The following PEPD variants were observed in gnomAD, a reference collection of about 807,000 sequenced individuals.
PEPD encodes the protein xaa-Pro dipeptidase.
A neutral mutation model predicts 60.7 loss-of-function variants in PEPD; 53 were observed. That is an observed-to-expected ratio of 0.87 (90% CI 0.70 to 1.10). PEPD has a LOEUF of 1.10. Ranked by LOEUF, PEPD falls within the 50% of genes least tolerant of loss-of-function variation. PEPD has a pLI of 0.00. For missense variants in PEPD, 711 were observed against 711.9 expected (o/e 1.00, Z 0.01); for synonymous variants, 267 against 284.1 (o/e 0.94, Z 0.60).
intron 11 of PEPD, among the ~76,000 whole-genome samples, chr19:33,406,645 G>A (rs1291428430): frequency 6.6e-6 from 1 of 152,178 alleles, no homozygotes; most frequent in Non-Finnish European, 1.5e-5. Flanking sequence ...CCCAGGTGGA[G>A]TGGGGCAAGG....
chr19:33,391,177 G>T, intron 13 of PEPD, 118 bp downstream of exon 13: 3 of 834,712 alleles, frequency 3.6e-6, no homozygotes, highest in Non-Finnish European at 6.0e-6. Flanking sequence ...GAGCCATGGG[G>T]CCCATCCCTG....
intron 9 of PEPD, among the ~76,000 whole-genome samples, chr19:33,430,867 C>T (rs1969256493): frequency 6.6e-6 from 1 of 152,110 alleles, no homozygotes; most frequent in South Asian, 2.1e-4. Flanking sequence ...CAAGTGCACG[C>T]CGTCTGCCAC....
At chr19:33,449,142 C>A (rs977273898) in intron 9 of PEPD, among the ~76,000 whole-genome samples, 1 of 152,228 alleles carries the variant, frequency 6.6e-6, no homozygotes, top group Non-Finnish European at 1.5e-5. Context: ...GTAGCTGGCC[C>A]ACTGTAGAGA....
At chr19:33,510,559 G>A (rs1970904007) in intron 3 of PEPD, among the ~76,000 whole-genome samples, 1 of 152,148 alleles carries the variant, frequency 6.6e-6, no homozygotes, top group Admixed American at 6.5e-5. Context: ...AGGGAGCCAT[G>A]GATGTTCTAC....
chr19:33,413,331 G>A (rs1466940295), intron 10 of PEPD, among the ~76,000 whole-genome samples: 1 of 152,204 alleles, frequency 6.6e-6, no homozygotes, highest in East Asian at 1.9e-4. Context: ...ACGCCAAGCA[G>A]CCCCTCTGCA....
At chr19:33,473,067 C>T (rs917553906) in intron 7 of PEPD, among the ~76,000 whole-genome samples, 7 of 152,016 alleles carry the variant, frequency 4.6e-5, no homozygotes, top group African/African-American at 7.3e-5. Flanking sequence ...TAGCCAGGGA[C>T]GGGCAGACGT....
chr19:33,432,914 C>T (rs1035112551), intron 9 of PEPD, among the ~76,000 whole-genome samples: 8 of 152,242 alleles, frequency 5.3e-5, no homozygotes, highest in African/African-American at 1.9e-4. Context: ...CACACGCCTT[C>T]CAGAGGCACC....
chr19:33,430,482 G>A (rs17833935), intron 9 of PEPD, among the ~76,000 whole-genome samples: 21,283 of 152,042 alleles, frequency 0.14, 1,671 homozygotes, highest in East Asian at 0.26. Flanking sequence ...ACTCTGCCCA[G>A]TGTGAGCCCA....
At chr19:33,437,403 GCCACA>G (rs758295489) in intron 9 of PEPD, among the ~76,000 whole-genome samples, 1 of 151,660 alleles carries the variant, frequency 6.6e-6, no homozygotes, top group Non-Finnish European at 1.5e-5. Context: ...ATTTTCAACA[GCCACA>G]CGAGATGCAG....
intron 9 of PEPD, among the ~76,000 whole-genome samples, chr19:33,427,861 T>A (rs1224565670): frequency 6.6e-6 from 1 of 152,212 alleles, no homozygotes; most frequent in East Asian, 1.9e-4. Context: ...ACACCAACAC[T>A]ACTCCCCAAA....
At chr19:33,516,860 T>C (rs1249655211) in intron 1 of PEPD, among the ~76,000 whole-genome samples, 2 of 152,236 alleles carry the variant, frequency 1.3e-5, no homozygotes, top group African/African-American at 4.8e-5. Context: ...TACCATGTTA[T>C]TGCTCTTCCA....
chr19:33,433,033 G>A (rs1005648700), intron 9 of PEPD, among the ~76,000 whole-genome samples: 2 of 152,226 alleles, frequency 1.3e-5, no homozygotes, highest in Non-Finnish European at 2.9e-5. Flanking sequence ...AACACTTTAA[G>A]GGAATTGTTT....
chr19:33,434,909 T>C (rs1333313063), intron 9 of PEPD, among the ~76,000 whole-genome samples: 2 of 150,250 alleles, frequency 1.3e-5, no homozygotes, highest in Non-Finnish European at 3.0e-5. Flanking sequence ...GGTGTTAAGG[T>C]TGGGGGGTGG....
chr19:33,483,424 A>T (rs1323510037), intron 6 of PEPD, among the ~76,000 whole-genome samples: 10 of 152,204 alleles, frequency 6.6e-5, no homozygotes, highest in Admixed American at 6.5e-4. Flanking sequence ...CCTGTGTGAC[A>T]CAGAGCTCAA....
chr19:33,390,630 G>A lies in PEPD; in HGVS notation c.1152+665C>T, dbSNP rs1487885151. Among the ~76,000 whole-genome samples, 6 of 152,208 alleles carry A rather than the reference G, an allele frequency of 3.9e-5. No individual in the cohort carries two copies. The East Asian group carries it at 9.6e-4, about 24-fold the overall frequency. ...GCCCCAGCCGCCCAGCCGAGAGGCC[G>A]TAGCCACCTGCCCGGTTGGGCCTCC... On this transcript the variant is annotated intron_variant, in intron 13 of 14. Coordinates refer to ENST00000244137, the MANE Select transcript of PEPD (RefSeq NM_000285.4).
At position 33,463,996 on chromosome 19, in the gene PEPD, G is replaced by A. The variant is rs754234155; in HGVS notation, c.615C>T (p.Ala205=). Residue 205 remains alanine (A), a synonymous_variant, in exon 8 of 15, where the codon GCC becomes GCT. Transcript: ENST00000244137. The part of the protein sequence containing the change: ...LRYTNKISSE[A]HREVMKAVKV... ...CCGGTGCCTGACTTACCTCACGGTG[G>A]GCCTCGCTGGAGATTTTATTGGTAT... The A allele has an allele frequency of 1.2e-6, 2 of 1,609,600 alleles. No homozygotes were observed. Among genetic ancestry groups the A allele is most frequent in the Middle Eastern group, 3.3e-4 (2 of 6,054 alleles).
At chr19:33,432,797 A>G (rs1969301270) in intron 9 of PEPD, among the ~76,000 whole-genome samples, 2 of 152,216 alleles carry the variant, frequency 1.3e-5, no homozygotes, top group African/African-American at 4.8e-5. Flanking sequence ...AAATCCCCCA[A>G]TTAAAGGCAC....
At chr19:33,387,711 T>G in intron 14 of PEPD, 179 bp downstream of exon 14, 1 of 758,926 alleles carries the variant, frequency 1.3e-6, no homozygotes, top group Non-Finnish European at 2.2e-6. Context: ...TTGCAGGATC[T>G]CTGTCTGTTC....
At chr19:33,418,759 C>T (rs1293395454) in intron 9 of PEPD, among the ~76,000 whole-genome samples, 1 of 152,164 alleles carries the variant, frequency 6.6e-6, no homozygotes, top group Non-Finnish European at 1.5e-5. Context: ...CTTCCCCAGG[C>T]CCCAGCATGA....
Sources: gnomAD v4.1 joint callset for allele counts (sites outside exome capture counted in the v4.1 genomes callset) on GRCh38, gnomAD v4.1.1 for gene constraint, MANE v1.5 for transcripts, NCBI Gene and HGNC (gene_info 2026-07-23, HGNC 2026-07-21) for gene names.